Variants in SORCS1 observed in about 807,000 individuals in gnomAD.
SORCS1 encodes sortilin related VPS10 domain containing receptor 1.
A neutral mutation model predicts 146.1 loss-of-function variants in SORCS1; 60 were observed. The ratio of observed to expected loss-of-function variants is 0.41; its 90% confidence interval spans 0.33 to 0.51. The LOEUF (loss-of-function observed/expected upper bound fraction) is 0.51. SORCS1 is among the 20% of genes least tolerant of loss of function. SORCS1 has a pLI of 0.21. For synonymous variants in SORCS1, 637 were observed against 584.0 expected (o/e 1.09, Z -1.31); for missense variants, 1,352 against 1,487.6 (o/e 0.91, Z 1.50).
intron 3 of SORCS1, among the ~76,000 whole-genome samples, chr10:106,807,051 G>C (rs1050284474): frequency 6.6e-6 from 1 of 152,084 alleles, no homozygotes; most frequent in Non-Finnish European, 1.5e-5. Flanking sequence ...ATAAAATTCA[G>C]GGAAACCCAA....
At position 107,077,410 on chromosome 10, in the gene SORCS1, C is replaced by T. The variant is rs552541297; in HGVS notation, c.558+86559G>A. Among the ~76,000 whole-genome samples, 4 of 151,828 alleles carry T rather than the reference C, an allele frequency of 2.6e-5. No homozygotes were observed. The South Asian group carries it at 8.3e-4, about 32-fold the overall frequency. On this transcript the variant is annotated intron_variant, in intron 1 of 25. Coordinates refer to ENST00000263054, the MANE Select transcript of SORCS1 (RefSeq NM_052918.5). ...TTCTTATAAAACTGCTACTACTTACCTATCACCAGTTATTTTCAAATTCAT... is the reference window on the plus strand; with the variant it reads ...TTCTTATAAAACTGCTACTACTTACTTATCACCAGTTATTTTCAAATTCAT...
At chr10:107,144,716 T>C (rs1968154994) in intron 1 of SORCS1, among the ~76,000 whole-genome samples, 1 of 152,208 alleles carries the variant, frequency 6.6e-6, no homozygotes, top group Admixed American at 6.5e-5. Context: ...AGGGAACAGC[T>C]CCACCTGCTG....
At chr10:106,642,535 T>G (rs987547423) in intron 18 of SORCS1, among the ~76,000 whole-genome samples, 1 of 152,186 alleles carries the variant, frequency 6.6e-6, no homozygotes, top group African/African-American at 2.4e-5. Flanking sequence ...AATGCACTCA[T>G]ATGGATTTTG....
chr10:106,583,548 C>T (rs888206938), intron 24 of SORCS1, among the ~76,000 whole-genome samples: 4 of 152,028 alleles, frequency 2.6e-5, no homozygotes, highest in Non-Finnish European at 5.9e-5. Flanking sequence ...GCTTTGTCAC[C>T]CAGACTGGAG....
chr10:106,737,652 G>T (rs1857050700), intron 5 of SORCS1, among the ~76,000 whole-genome samples: 1 of 152,040 alleles, frequency 6.6e-6, no homozygotes, highest in Non-Finnish European at 1.5e-5. Context: ...TTGAACTCAG[G>T]AGGCAGGGGT....
chr10:107,054,296 A>G (rs1363773814), intron 1 of SORCS1, among the ~76,000 whole-genome samples: 1 of 152,242 alleles, frequency 6.6e-6, no homozygotes, highest in Non-Finnish European at 1.5e-5. Context: ...TTGGTGAGGC[A>G]GACTCTGGAA....
chr10:107,022,735 T>A (rs1958202747), intron 1 of SORCS1, among the ~76,000 whole-genome samples: 1 of 152,160 alleles, frequency 6.6e-6, no homozygotes, highest in South Asian at 2.1e-4. Context: ...TCTACAGAAA[T>A]GCATAATAAA....
At chr10:106,798,266 C>T (rs1007225258) in intron 3 of SORCS1, among the ~76,000 whole-genome samples, 1 of 152,142 alleles carries the variant, frequency 6.6e-6, no homozygotes, top group Admixed American at 6.5e-5. Flanking sequence ...TCCATTAAAC[C>T]TCTTTCTTTT....
chr10:107,012,128 T>C (rs1022085325), intron 1 of SORCS1, among the ~76,000 whole-genome samples: 2 of 152,214 alleles, frequency 1.3e-5, no homozygotes, highest in African/African-American at 4.8e-5. Flanking sequence ...CAAGACCTTG[T>C]CTAAGACTGA....
At chr10:107,092,056 A>G (rs1037493413) in intron 1 of SORCS1, among the ~76,000 whole-genome samples, 1 of 152,238 alleles carries the variant, frequency 6.6e-6, no homozygotes, top group African/African-American at 2.4e-5. Flanking sequence ...ATTTAAGAAT[A>G]TTGAAAGTTG....
chr10:106,862,780 CAAAAAAAAAAAA>C (rs58654489), intron 2 of SORCS1, among the ~76,000 whole-genome samples: 11 of 60,244 alleles, frequency 1.8e-4, no homozygotes, highest in African/African-American at 2.8e-4. Flanking sequence ...CCTGTCTCTA[CAAAAAAAAAAAA>C]AAAAAAAAAA....
intron 19 of SORCS1, among the ~76,000 whole-genome samples, chr10:106,623,688 CAG>C (rs1847898788): frequency 6.6e-6 from 1 of 151,750 alleles, no homozygotes; most frequent in Non-Finnish European, 1.5e-5. Context: ...TTTTTTGAGA[CAG>C]AGTCTCCCTC....
intron 1 of SORCS1, among the ~76,000 whole-genome samples, chr10:107,008,821 C>A (rs1199064258): frequency 1.3e-5 from 2 of 152,152 alleles, no homozygotes; most frequent in Non-Finnish European, 2.9e-5. Context: ...CATGGTGAAA[C>A]CCCGTCTCTA....
intron 22 of SORCS1, among the ~76,000 whole-genome samples, chr10:106,609,485 A>C (rs1285372298): frequency 1.3e-5 from 2 of 152,234 alleles, no homozygotes; most frequent in Admixed American, 6.5e-5. Flanking sequence ...ATTAGTGTAC[A>C]CTTGCCAATG....
At chr10:106,841,296 C>A (rs1234032939) in intron 2 of SORCS1, among the ~76,000 whole-genome samples, 2 of 151,930 alleles carry the variant, frequency 1.3e-5, no homozygotes, top group Non-Finnish European at 2.9e-5. Flanking sequence ...ATGGTGAAAC[C>A]CCATCTTTAC....
intron 2 of SORCS1, among the ~76,000 whole-genome samples, chr10:106,889,674 C>T (rs566790566): frequency 3.3e-5 from 5 of 152,080 alleles, no homozygotes; most frequent in Non-Finnish European, 7.4e-5. Flanking sequence ...CCAAGGCAGG[C>T]AGATCACCAG....
At chr10:106,858,607 CAAAA>C (rs71482495) in intron 2 of SORCS1, among the ~76,000 whole-genome samples, 1 of 81,156 alleles carries the variant, frequency 1.2e-5, no homozygotes, top group Admixed American at 1.5e-4. Flanking sequence ...GCCTCTGTCT[CAAAA>C]AAAAAAAAAA....
At chr10:107,030,000 G>A (rs575879155) in intron 1 of SORCS1, among the ~76,000 whole-genome samples, 36 of 152,166 alleles carry the variant, frequency 2.4e-4, no homozygotes, top group Non-Finnish European at 5.1e-4. Context: ...CCTAAAGTGA[G>A]CCTTGGAGGG....
chr10:106,776,530 T>C lies in SORCS1; in HGVS notation c.885+4A>G. On this transcript the variant is annotated splice_donor_region_variant and intron_variant, in intron 4 of 25. Coordinates refer to ENST00000263054, the MANE Select transcript of SORCS1 (RefSeq NM_052918.5). ...ATTGTCTCAAACAAGGTAAGTATGCTCACCTTTTGGTCTTGACTGTATGCC... is the reference window on the plus strand; with the variant it reads ...ATTGTCTCAAACAAGGTAAGTATGCCCACCTTTTGGTCTTGACTGTATGCC... 6.2e-7 allele frequency: 1 copy of C among 1,613,854 alleles called. No individual in the cohort carries two copies. The highest frequency in any genetic ancestry group is 1.1e-5 in the South Asian group (1 of 91,066).
Sources: gnomAD v4.1 joint callset for allele counts (sites outside exome capture counted in the v4.1 genomes callset) on GRCh38, gnomAD v4.1.1 for gene constraint, MANE v1.5 for transcripts, NCBI Gene and HGNC (gene_info 2026-07-23, HGNC 2026-07-21) for gene names.